CREB5: variants seen among roughly 807,000 people sequenced by gnomAD.
The protein encoded by CREB5 is cyclic AMP-responsive element-binding protein 5.
Under a neutral mutation model 57.1 loss-of-function variants are expected in CREB5, and 19 were observed. That is an observed-to-expected ratio of 0.33 (90% CI 0.23 to 0.49). CREB5 has a LOEUF of 0.49. Ranked by LOEUF, CREB5 falls within the 20% of genes least tolerant of loss-of-function variation. The pLI, the probability that CREB5 is intolerant of heterozygous loss-of-function variation, is 0.99. For synonymous variants in CREB5, 238 were observed against 238.3 expected (o/e 1.00, Z 0.01); for missense variants, 579 against 671.6 (o/e 0.86, Z 1.52).
At chr7:28,575,170 G>A (rs995537992) in intron 5 of CREB5, among the ~76,000 whole-genome samples, 12 of 152,240 alleles carry the variant, frequency 7.9e-5, no homozygotes, top group African/African-American at 2.4e-4. Context: ...AGCAAACAAA[G>A]AAAAATAATA....
At chr7:28,562,343 A>C (rs1047197677) in intron 4 of CREB5, among the ~76,000 whole-genome samples, 2 of 152,212 alleles carry the variant, frequency 1.3e-5, no homozygotes, top group African/African-American at 4.8e-5. Flanking sequence ...ACCTGAGAAG[A>C]TATTTATTGT....
chr7:28,327,703 T>C (rs1785634683), intron 1 of CREB5, among the ~76,000 whole-genome samples: 1 of 152,200 alleles, frequency 6.6e-6, no homozygotes. Context: ...TGAACAGTCT[T>C]GGCAAAAACA....
At chr7:28,624,693 A>G (rs1361470388) in intron 5 of CREB5, among the ~76,000 whole-genome samples, 1 of 149,134 alleles carries the variant, frequency 6.7e-6, no homozygotes, top group Non-Finnish European at 1.5e-5. Context: ...AAAAAAAAAA[A>G]CAATCTTGAA....
At chr7:28,414,739 A>G (rs1787960927) in intron 1 of CREB5, among the ~76,000 whole-genome samples, 1 of 152,210 alleles carries the variant, frequency 6.6e-6, no homozygotes, top group South Asian at 2.1e-4. Context: ...AGTATCCATT[A>G]GTATTCCATT....
intron 4 of CREB5, among the ~76,000 whole-genome samples, chr7:28,560,875 CGTGCGTGCGTGCGTGTGT>C (rs1562797414): frequency 3.6e-4 from 7 of 19,218 alleles, no homozygotes; most frequent in East Asian, 7.6e-3. Context: ...CCTGCGTGCG[CGTGCGTGCGTGCGTGTGT>C]GTGCGTGCGC....
rs761989970 is a variant in CREB5 at position 28,513,497 on chromosome 7, A to T, written c.291+5760A>T. 36 of 151,586 alleles carry T rather than the reference A, an allele frequency of 2.4e-4. 2 individuals are homozygous for T. Among genetic ancestry groups the T allele is most frequent in the Non-Finnish European group, 1.2e-4 (8 of 67,968 alleles). The allele number at this position is 151,586 out of a possible 1,614,324, so 9.4% of individuals were successfully genotyped here. On this transcript the variant is annotated intron_variant, in intron 4 of 10. Transcript: ENST00000357727. ...AAAGGAAACACTCATTGACAGTGAT[A>T]TTGGAGATGACAACCTCTTTCTTCC...
chr7:28,301,187 C>T (rs570351114), intron 1 of CREB5, among the ~76,000 whole-genome samples: 82 of 152,262 alleles, frequency 5.4e-4, no homozygotes, highest in Non-Finnish European at 7.4e-4. Context: ...GTTGGTGTGA[C>T]GTCAGAGAAC....
At chr7:28,522,632 A>G (rs1369870263) in intron 4 of CREB5, among the ~76,000 whole-genome samples, 1 of 152,042 alleles carries the variant, frequency 6.6e-6, no homozygotes, top group African/African-American at 2.4e-5. Context: ...TCCTGACCTC[A>G]AGTGATCCGC....
At chr7:28,505,685 T>C (rs909746217) in intron 3 of CREB5, among the ~76,000 whole-genome samples, 1 of 152,340 alleles carries the variant, frequency 6.6e-6, no homozygotes, top group East Asian at 1.9e-4. Context: ...TTAGTAGTGA[T>C]AAGATGGTTA....
intron 4 of CREB5, among the ~76,000 whole-genome samples, chr7:28,563,202 A>G (rs1487476277): frequency 6.6e-6 from 1 of 152,178 alleles, no homozygotes; most frequent in African/African-American, 2.4e-5. Flanking sequence ...GGGAGCAGCC[A>G]CCAGACTGTA....
chr7:28,712,524 T>TTATTATTATTATTATTATTATTATTATTA (rs1802449453), intron 5 of CREB5, among the ~76,000 whole-genome samples: 1 of 135,322 alleles, frequency 7.4e-6, no homozygotes, highest in South Asian at 2.4e-4. Flanking sequence ...AAAAAGAGAA[T>TTATTATTATTATTATTATTATTATTATTA]TTATTATTAT....
chr7:28,646,302 T>C (rs1256343526), intron 5 of CREB5, among the ~76,000 whole-genome samples: 1 of 152,026 alleles, frequency 6.6e-6, no homozygotes, highest in African/African-American at 2.4e-5. Flanking sequence ...AGTCTAAAGA[T>C]CCCGAGCAAA....
At chr7:28,607,947 A>G (rs1271451877) in intron 5 of CREB5, among the ~76,000 whole-genome samples, 1 of 152,084 alleles carries the variant, frequency 6.6e-6, no homozygotes, top group African/African-American at 2.4e-5. Flanking sequence ...CCTTCGAAAC[A>G]AACACTGAAC....
At chr7:28,437,700 A>G (rs1789016622) in intron 1 of CREB5, among the ~76,000 whole-genome samples, 1 of 152,200 alleles carries the variant, frequency 6.6e-6, no homozygotes, top group African/African-American at 2.4e-5. Context: ...ATCTAAATAA[A>G]TGGAATTAGA....
chr7:28,805,925 A>G (rs954919004), intron 8 of CREB5, among the ~76,000 whole-genome samples: 4 of 152,224 alleles, frequency 2.6e-5, no homozygotes, highest in African/African-American at 9.6e-5. Context: ...AAGTTTAGCA[A>G]ATTGTATAGC....
At chr7:28,683,746 A>G (rs1011642341) in intron 5 of CREB5, among the ~76,000 whole-genome samples, 1 of 152,170 alleles carries the variant, frequency 6.6e-6, no homozygotes, top group Non-Finnish European at 1.5e-5. Flanking sequence ...GGCACAGGAA[A>G]GCCATCTTTA....
At chr7:28,377,934 AAAAAAAAAAAAC>A (rs1490952850) in intron 1 of CREB5, among the ~76,000 whole-genome samples, 2 of 149,350 alleles carry the variant, frequency 1.3e-5, no homozygotes, top group African/African-American at 2.4e-5. Flanking sequence ...TCTATCTCAA[AAAAAAAAAAAAC>A]AAAAAAGAAA....
intron 1 of CREB5, among the ~76,000 whole-genome samples, chr7:28,368,717 A>G (rs1020841810): frequency 1.3e-5 from 2 of 152,196 alleles, no homozygotes; most frequent in African/African-American, 4.8e-5. Context: ...CTAGCTCATT[A>G]CCCTATATTT....
At chr7:28,422,543 G>A (rs1023920773) in intron 1 of CREB5, among the ~76,000 whole-genome samples, 3 of 152,088 alleles carry the variant, frequency 2.0e-5, no homozygotes, top group Admixed American at 6.5e-5. Flanking sequence ...TTCATGAGAA[G>A]GTTCATGGAC....
Sources: gnomAD v4.1 joint callset for allele counts (sites outside exome capture counted in the v4.1 genomes callset) on GRCh38, gnomAD v4.1.1 for gene constraint, MANE v1.5 for transcripts, NCBI Gene and HGNC (gene_info 2026-07-23, HGNC 2026-07-21) for gene names.